The following MRPS21 variants were observed in gnomAD, a reference collection of about 807,000 sequenced individuals.
MRPS21 encodes small ribosomal subunit protein bS21m.
In MRPS21, 8 loss-of-function variants were observed where a neutral mutation model predicts 9.9. The observed-to-expected ratio is 0.81, with a 90% CI of 0.47 to 1.45. The LOEUF (loss-of-function observed/expected upper bound fraction) is 1.45. Among genes scored for constraint, MRPS21 ranks in the 40% most tolerant of loss-of-function variants. The pLI is 0.00. For synonymous variants in MRPS21, 40 were observed against 40.3 expected (o/e 0.99, Z 0.03); for missense variants, 101 against 118.9 (o/e 0.85, Z 0.70).
intron 2 of MRPS21, chr1:150,303,783 T>A (rs1407158284): frequency 5.0e-6 from 2 of 399,730 alleles, no homozygotes; most frequent in Non-Finnish European, 1.0e-5. Context: ...GGTAATACTA[T>A]TGAGGCTTTC....
intron 2 of MRPS21, among the ~76,000 whole-genome samples, chr1:150,307,348 CTTT>C (rs1572154026): frequency 3.4e-5 from 3 of 87,552 alleles, no homozygotes; most frequent in South Asian, 3.9e-4. Context: ...GTGCCCAGTC[CTTT>C]TTTTTTTTTT....
intron 2 of MRPS21, chr1:150,304,311 C>A (rs71578476): frequency 0.94 from 171,515 of 181,568 alleles, 80,767 homozygotes; most frequent in African/African-American, 0.99. Context: ...GCCCTGCCTA[C>A]AAAAAAAAAA....
At chr1:150,297,183 G>C (rs1193925677) in intron 2 of MRPS21, among the ~76,000 whole-genome samples, 2 of 151,998 alleles carry the variant, frequency 1.3e-5, no homozygotes, top group African/African-American at 2.4e-5. Flanking sequence ...CCCAGCTACT[G>C]AGGAGGCTGA....
At chr1:150,297,409 T>C (rs1245552407) in intron 2 of MRPS21, among the ~76,000 whole-genome samples, 4 of 151,684 alleles carry the variant, frequency 2.6e-5, no homozygotes, top group Non-Finnish European at 5.9e-5. Context: ...TGGTGGCTCA[T>C]GCCTGTAATC....
At chr1:150,305,212 A>T (rs782790408) in intron 2 of MRPS21, among the ~76,000 whole-genome samples, 3,738 of 132,712 alleles carry the variant, frequency 0.028, 147 homozygotes, top group African/African-American at 0.098. Flanking sequence ...GTTAATTTTT[A>T]TTTTTTGTGG....
intron 2 of MRPS21, 91 bp from the exon 3 acceptor site, chr1:150,307,957 C>A: frequency 1.6e-6 from 2 of 1,213,344 alleles, no homozygotes; most frequent in Non-Finnish European, 2.2e-6. Flanking sequence ...TTATAAATAC[C>A]AATTGTTTGG....
intron 2 of MRPS21, among the ~76,000 whole-genome samples, chr1:150,297,479 C>G (rs1474785885): frequency 6.6e-6 from 1 of 152,082 alleles, no homozygotes; most frequent in African/African-American, 2.4e-5. Context: ...CAATACCAGC[C>G]TGGCCAACAT....
chr1:150,303,249 A>G (rs1337111524), intron 2 of MRPS21, among the ~76,000 whole-genome samples: 5 of 152,072 alleles, frequency 3.3e-5, no homozygotes, highest in Non-Finnish European at 7.4e-5. Context: ...TCGTTTTTAT[A>G]TTCTCTCAAA....
At chr1:150,297,663 T>TTAA (rs1653964895) in intron 2 of MRPS21, among the ~76,000 whole-genome samples, 93 of 71,626 alleles carry the variant, frequency 1.3e-3, no homozygotes, top group African/African-American at 9.2e-3. Context: ...AGAGTAAGAC[T>TTAA]CAAAAAAAAA....
chr1:150,300,885 AAAG>A (rs1169322533), intron 2 of MRPS21, among the ~76,000 whole-genome samples: 1 of 152,138 alleles, frequency 6.6e-6, no homozygotes, highest in Non-Finnish European at 1.5e-5. Flanking sequence ...TCTTTTTAAG[AAAG>A]AAGAGGAGTG....
At chr1:150,293,919 T>TG in intron 1 of MRPS21, 21 bp downstream of exon 1, 1 of 203,106 alleles carries the variant, frequency 4.9e-6, no homozygotes, top group Non-Finnish European at 1.0e-5. Flanking sequence ...GTGCAGGGTT[T>TG]GGGGAAAGGA....
intron 2 of MRPS21, among the ~76,000 whole-genome samples, chr1:150,299,500 G>C (rs1317157453): frequency 6.6e-6 from 1 of 151,816 alleles, no homozygotes; most frequent in Non-Finnish European, 1.5e-5. Flanking sequence ...TGTCCCCCAA[G>C]CTGGAGTGCA....
At chr1:150,300,218 C>T (rs184101111) in intron 2 of MRPS21, among the ~76,000 whole-genome samples, 1 of 152,156 alleles carries the variant, frequency 6.6e-6, no homozygotes, top group Admixed American at 6.5e-5. Context: ...TGGTGCATAC[C>T]TGTAATCCCA....
At chr1:150,296,192 C>T (rs1390165306) in intron 2 of MRPS21, among the ~76,000 whole-genome samples, 1 of 152,172 alleles carries the variant, frequency 6.6e-6, no homozygotes, top group African/African-American at 2.4e-5. Context: ...TCGTGATCCA[C>T]CCGCCTTGGC....
At chr1:150,307,141 G>A (rs1654363597) in intron 2 of MRPS21, among the ~76,000 whole-genome samples, 1 of 151,418 alleles carries the variant, frequency 6.6e-6, no homozygotes, top group Admixed American at 6.6e-5. Context: ...CACCTCCTAG[G>A]TTCAAACACT....
intron 2 of MRPS21, among the ~76,000 whole-genome samples, chr1:150,302,355 T>G (rs1362922225): frequency 1.3e-5 from 2 of 151,586 alleles, no homozygotes; most frequent in Non-Finnish European, 1.5e-5. Context: ...AGGTGGAGAG[T>G]GGGGGTTGCT....
intron 2 of MRPS21, among the ~76,000 whole-genome samples, chr1:150,301,799 C>T (rs1560064817): frequency 6.6e-6 from 1 of 151,968 alleles, no homozygotes. Context: ...CGGGGTTTCA[C>T]GATGTTGGCC....
intron 2 of MRPS21, among the ~76,000 whole-genome samples, chr1:150,301,849 C>T (rs1654146518): frequency 6.6e-6 from 1 of 151,976 alleles, no homozygotes; most frequent in African/African-American, 2.4e-5. Context: ...TTGGCCCGCC[C>T]GGCCTCCCAA....
At chr1:150,298,915 G>A (rs932354323) in intron 2 of MRPS21, among the ~76,000 whole-genome samples, 9 of 152,076 alleles carry the variant, frequency 5.9e-5, no homozygotes, top group Non-Finnish European at 4.4e-5. Flanking sequence ...ACTTCTTACA[G>A]TTGTATCAAG....
Sources: allele counts gnomAD v4.1 joint callset (sites outside exome capture counted in the v4.1 genomes callset), GRCh38; gene constraint gnomAD v4.1.1; transcripts MANE v1.5; gene names NCBI Gene and HGNC (gene_info 2026-07-23, HGNC 2026-07-21).